ARHGAP28: variants seen among roughly 807,000 people sequenced by gnomAD.
ARHGAP28 encodes Rho GTPase activating protein 28.
Under a neutral mutation model 90.7 loss-of-function variants are expected in ARHGAP28, and 56 were observed. The observed-to-expected ratio is 0.62, with a 90% CI of 0.50 to 0.77. ARHGAP28 has a LOEUF of 0.77. Ranked by LOEUF, ARHGAP28 falls within the 30% of genes least tolerant of loss-of-function variation. The pLI, the probability that ARHGAP28 is intolerant of heterozygous loss-of-function variation, is 0.00. For missense variants in ARHGAP28, 869 were observed against 900.9 expected, an observed-to-expected ratio of 0.96 and a Z score of 0.45; for synonymous variants, 308 against 323.3, an observed-to-expected ratio of 0.95 and a Z score of 0.51.
chr18:6,813,404 C>G (rs529276132), intron 1 of ARHGAP28, among the ~76,000 whole-genome samples: 1 of 152,304 alleles, frequency 6.6e-6, no homozygotes, highest in Non-Finnish European at 1.5e-5. Context: ...GTCTGCTACA[C>G]CTGCCAATTT....
chr18:6,878,376 G>A (rs1166873990), intron 10 of ARHGAP28, among the ~76,000 whole-genome samples: 1 of 149,978 alleles, frequency 6.7e-6, no homozygotes, highest in Non-Finnish European at 1.5e-5. Flanking sequence ...GGATAGCATT[G>A]GGAGATATAC....
chr18:6,733,109 T>C (rs190496558), intron 1 of ARHGAP28, among the ~76,000 whole-genome samples: 2 of 152,314 alleles, frequency 1.3e-5, no homozygotes, highest in Non-Finnish European at 2.9e-5. Flanking sequence ...GTATGGAGCA[T>C]AATAAGTGAA....
At chr18:6,779,168 T>C (rs1049808984) in intron 1 of ARHGAP28, 1 of 152,196 alleles carries the variant, frequency 6.6e-6, no homozygotes, top group Non-Finnish European at 1.5e-5. Flanking sequence ...CATAGGCCAT[T>C]ATACATATCC....
chr18:6,824,723 A>G (rs947291544), intron 1 of ARHGAP28, 39 bp from the exon 2 acceptor site: 5 of 1,470,516 alleles, frequency 3.4e-6, no homozygotes, highest in African/African-American at 1.4e-5. Flanking sequence ...ACATAAAAAT[A>G]TAACCCGTTT....
chr18:6,852,802 A>G (rs1398325309), intron 4 of ARHGAP28, among the ~76,000 whole-genome samples: 1 of 152,222 alleles, frequency 6.6e-6, no homozygotes, highest in African/African-American at 2.4e-5. Flanking sequence ...AAGAACACTG[A>G]AGCACCAAGT....
In ARHGAP28 at chr18:6,877,976, ATG is replaced by A. The variant is rs146041143; in HGVS notation, c.1290+1780_1290+1781del. 4.6e-5 allele frequency among the ~76,000 whole-genome samples: 7 copies of A among 150,566 alleles called. 1 individual carries two copies. Among genetic ancestry groups the A allele is most frequent in the Admixed American group, 1.3e-4 (2 of 15,164 alleles). On this transcript the variant is annotated intron_variant, in intron 10 of 17. Transcript: ENST00000383472. ...TCTGTGTGTGTGTGTGTGTATGTGCATGTGTGTGTGTGTATGTATGTGCCTGT... is the reference window on the plus strand; with the variant it reads ...TCTGTGTGTGTGTGTGTGTATGTGCATGTGTGTGTGTATGTATGTGCCTGT...
Position 6,825,097 on chromosome 18 carries a change from TC to T in ARHGAP28, c.325+134del, listed in dbSNP as rs372695611. ...TCAGTAGAATCTGGCATATTGATGA[TC>T]TACTCCCACTGATTGATTTATATCT... On this transcript the variant is annotated intron_variant, in intron 2 of 17. Transcript: ENST00000383472. The T allele has an allele frequency of 5.3e-4, 462 of 874,054 alleles. 2 individuals carry two copies. The African/African-American group carries it at 7.1e-3, about 13-fold the overall frequency. The allele number at this position is 874,054 out of a possible 1,614,324, so 54.1% of individuals were successfully genotyped here.
chr18:6,757,216 A>T (rs1600156007), intron 1 of ARHGAP28, among the ~76,000 whole-genome samples: 1 of 152,224 alleles, frequency 6.6e-6, no homozygotes, highest in Admixed American at 6.5e-5. Context: ...GGAAACATGG[A>T]AACTGGTTAG....
chr18:6,815,483 CAT>C (rs1378886368), intron 1 of ARHGAP28, among the ~76,000 whole-genome samples: 2 of 152,236 alleles, frequency 1.3e-5, no homozygotes, highest in African/African-American at 2.4e-5. Context: ...ATTCATATAA[CAT>C]AAAATCTACT....
At chr18:6,748,505 C>T (rs2056043091) in intron 1 of ARHGAP28, among the ~76,000 whole-genome samples, 1 of 152,174 alleles carries the variant, frequency 6.6e-6, no homozygotes, top group Admixed American at 6.5e-5. Context: ...TTCTGGGCAG[C>T]ATTGCCATGA....
At chr18:6,740,498 T>G (rs1018581413) in intron 1 of ARHGAP28, among the ~76,000 whole-genome samples, 5 of 152,166 alleles carry the variant, frequency 3.3e-5, no homozygotes, top group African/African-American at 1.2e-4. Context: ...TAGGCCCATC[T>G]TAGTCTGGAC....
intron 14 of ARHGAP28, among the ~76,000 whole-genome samples, chr18:6,891,234 CAGGGCCATGCAG>C (rs890959724): frequency 6.6e-6 from 1 of 152,082 alleles, no homozygotes; most frequent in African/African-American, 2.4e-5. Context: ...CCAGCTGTGC[CAGGGCCATGCAG>C]AGGACAAGGA....
intron 3 of ARHGAP28, among the ~76,000 whole-genome samples, chr18:6,839,440 CCAG>C (rs1474149919): frequency 1.3e-5 from 2 of 152,018 alleles, no homozygotes; most frequent in East Asian, 1.9e-4. Flanking sequence ...ACTATAGGCG[CCAG>C]CCACCACGCC....
chr18:6,873,859 T>A, intron 9 of ARHGAP28, 84 bp downstream of exon 9: 1 of 1,197,742 alleles, frequency 8.3e-7, no homozygotes, highest in South Asian at 1.3e-5. Flanking sequence ...ATGAATTTTC[T>A]TTTATATTTA....
chr18:6,788,342 C>T (rs1351481951), intron 1 of ARHGAP28, among the ~76,000 whole-genome samples: 2 of 152,138 alleles, frequency 1.3e-5, no homozygotes, highest in Non-Finnish European at 2.9e-5. Flanking sequence ...CGAGCAGATG[C>T]CAGCATCATG....
At chr18:6,736,021 C>T (rs1225195315) in intron 1 of ARHGAP28, among the ~76,000 whole-genome samples, 1 of 152,144 alleles carries the variant, frequency 6.6e-6, no homozygotes, top group Non-Finnish European at 1.5e-5. Flanking sequence ...TTACGATTTT[C>T]CTCTTTTTAA....
In ARHGAP28 at chr18:6,873,686, A is replaced by G. The variant is rs2143554061; in HGVS notation, c.1123A>G (p.Asn375Asp). Residue 375 changes from asparagine to aspartate, a missense_variant and splice_region_variant, in exon 9 of 18, where the codon AAT becomes GAT. Physicochemically the swap from Asn to Asp is conservative, Grantham distance 23. Transcript: ENST00000383472. The part of the protein sequence containing the change: ...NKTEKVKGRD[N>D]GIFGVPLTVL... ...CCCTTTACTGTCTCACAATGAAGACAATGGGATTTTTGGAGTTCCACTTAC... is the reference window on the plus strand; with the variant it reads ...CCCTTTACTGTCTCACAATGAAGACGATGGGATTTTTGGAGTTCCACTTAC... 6.2e-7 allele frequency: 1 copy of G among 1,613,922 alleles called. No individual in the cohort carries two copies. Among genetic ancestry groups the G allele is most frequent in the South Asian group, 1.1e-5 (1 of 91,036 alleles).
intron 1 of ARHGAP28, among the ~76,000 whole-genome samples, chr18:6,742,169 CT>C (rs554288921): frequency 2.0e-3 from 279 of 138,626 alleles, no homozygotes; most frequent in African/African-American, 2.3e-3. Context: ...TTTTCTTTTT[CT>C]TTTTTTTTTT....
At chr18:6,814,889 C>T (rs1041366352) in intron 1 of ARHGAP28, among the ~76,000 whole-genome samples, 2 of 152,086 alleles carry the variant, frequency 1.3e-5, no homozygotes, top group African/African-American at 4.8e-5. Flanking sequence ...TGACATGTTG[C>T]TGAATGGACA....
Sources: gnomAD v4.1 joint callset for allele counts (sites outside exome capture counted in the v4.1 genomes callset) on GRCh38, gnomAD v4.1.1 for gene constraint, MANE v1.5 for transcripts, NCBI Gene and HGNC (gene_info 2026-07-23, HGNC 2026-07-21) for gene names.